VEPH1: variants seen among roughly 807,000 people sequenced by gnomAD.
VEPH1 encodes the protein ventricular zone-expressed PH domain-containing protein homolog 1.
Under a neutral mutation model 85.2 loss-of-function variants are expected in VEPH1, and 80 were observed. The observed-to-expected ratio is 0.94, with a 90% CI of 0.78 to 1.13. The LOEUF (loss-of-function observed/expected upper bound fraction) is 1.13, where lower values mean the gene tolerates loss of function less well. Ranked by LOEUF, VEPH1 falls within the 50% of genes most tolerant of loss-of-function variation. VEPH1 has a pLI of 0.00. For synonymous variants in VEPH1, 297 were observed against 348.0 expected (o/e 0.85, Z 1.63); for missense variants, 955 against 980.5 (o/e 0.97, Z 0.35).
At chr3:157,439,638 G>C (rs972262171) in intron 4 of VEPH1, among the ~76,000 whole-genome samples, 1 of 152,222 alleles carries the variant, frequency 6.6e-6, no homozygotes, top group East Asian at 1.9e-4. Context: ...GAGGGAAGCT[G>C]AGTCTCTGAG....
At chr3:157,390,841 G>C (rs1291733616) in intron 6 of VEPH1, among the ~76,000 whole-genome samples, 1 of 152,240 alleles carries the variant, frequency 6.6e-6, no homozygotes, top group Non-Finnish European at 1.5e-5. Flanking sequence ...CCAGACCTCA[G>C]GACTCCCTGA....
chr3:157,318,897 A>AAT (rs1400101620), intron 9 of VEPH1, among the ~76,000 whole-genome samples: 2 of 152,092 alleles, frequency 1.3e-5, no homozygotes, highest in Non-Finnish European at 2.9e-5. Flanking sequence ...AAACAAACAA[A>AAT]ATAATAAAAG....
chr3:157,415,537 G>A (rs922878367), intron 5 of VEPH1, among the ~76,000 whole-genome samples: 4 of 152,042 alleles, frequency 2.6e-5, no homozygotes, highest in African/African-American at 7.2e-5. Flanking sequence ...CTCCTAACAG[G>A]TCTCCCTGTC....
At chr3:157,442,865 CAATGA>C in intron 4 of VEPH1, 1 of 1,614,100 alleles carries the variant, frequency 6.2e-7, no homozygotes, top group Non-Finnish European at 8.5e-7. Context: ...GTGTTCTTAG[CAATGA>C]AGAGATAAGA....
chr3:157,311,739 G>T (rs1720136756), intron 11 of VEPH1, among the ~76,000 whole-genome samples: 1 of 152,030 alleles, frequency 6.6e-6, no homozygotes, highest in African/African-American at 2.4e-5. Flanking sequence ...GAAGCAGCCT[G>T]CCAGGTTTTA....
chr3:157,434,650 G>A (rs1733414324), intron 4 of VEPH1, among the ~76,000 whole-genome samples: 1 of 151,998 alleles, frequency 6.6e-6, no homozygotes, highest in Admixed American at 6.6e-5. Flanking sequence ...CTCTTAACTG[G>A]AAAATGTGTT....
At chr3:157,445,920 A>C (rs1734515056) in intron 4 of VEPH1, among the ~76,000 whole-genome samples, 1 of 152,248 alleles carries the variant, frequency 6.6e-6, no homozygotes, top group South Asian at 2.1e-4. Context: ...TGACTTAAAA[A>C]AACAACAACA....
intron 4 of VEPH1, among the ~76,000 whole-genome samples, chr3:157,429,648 T>C (rs1415205544): frequency 6.6e-6 from 1 of 152,192 alleles, no homozygotes; most frequent in Non-Finnish European, 1.5e-5. Flanking sequence ...TTTTAAAAGG[T>C]TGTGTTCGTC....
At chr3:157,351,822 T>G (rs1455591999) in intron 9 of VEPH1, among the ~76,000 whole-genome samples, 1 of 152,222 alleles carries the variant, frequency 6.6e-6, no homozygotes, top group Non-Finnish European at 1.5e-5. Flanking sequence ...TTTGGATTAA[T>G]TCTTTGTTTT....
intron 13 of VEPH1, among the ~76,000 whole-genome samples, chr3:157,264,650 C>CT (rs1304850220): frequency 6.6e-6 from 1 of 152,152 alleles, no homozygotes; most frequent in Non-Finnish European, 1.5e-5. Context: ...CAATCAGTTT[C>CT]TTTGACTCAG....
intron 9 of VEPH1, among the ~76,000 whole-genome samples, chr3:157,353,610 G>A (rs1041149863): frequency 1.4e-5 from 2 of 147,158 alleles, no homozygotes; most frequent in African/African-American, 5.2e-5. Context: ...TGCTTGATGT[G>A]TATCCTTCTA....
rs113324549 is a variant in VEPH1, at chr3:157,438,020, A to AGCGC, written c.530-9536_530-9533dup. On this transcript the variant is annotated intron_variant, in intron 4 of 13. Coordinates refer to ENST00000362010, the MANE Select transcript of VEPH1 (RefSeq NM_001167912.2). ...CCTTCTAGGGGAAGCTTTCATGGGA[A>AGCGC]GCGCGCGCGCGCGCGCGCACACACA... 9.9e-4 allele frequency: 825 copies of AGCGC among 836,680 alleles called. 1 individual carries two copies. Among genetic ancestry groups the AGCGC allele is most frequent in the East Asian group, 7.4e-3 (203 of 27,446 alleles). 51.8% of individuals were successfully genotyped at this position (836,680 alleles called of 1,614,324 possible). A position where few individuals can be genotyped will look rare whatever the true frequency, so the allele number is the denominator to read the frequency against.
At chr3:157,305,230 C>T (rs6794862) in intron 11 of VEPH1, among the ~76,000 whole-genome samples, 12,489 of 149,290 alleles carry the variant, frequency 0.084, 1,619 homozygotes, top group African/African-American at 0.28. Flanking sequence ...CTGCCTCAGC[C>T]TCCCAAGTAG....
intron 4 of VEPH1, among the ~76,000 whole-genome samples, chr3:157,447,229 A>G (rs7636995): frequency 0.14 from 20,667 of 152,126 alleles, 2,630 homozygotes; most frequent in African/African-American, 0.32. Context: ...AGCAGCATCT[A>G]CTGGTGAAGT....
Position 157,381,288 on chromosome 3 carries a change from T to G in VEPH1, c.995A>C (p.Lys332Thr), listed in dbSNP as rs1728735549. ...SFHHILLLEI[K>T]SITDTFSSIL... Reference sequence around the variant, plus strand: ...TGAGGAGAAGGTGTCGGTGATGCTTTTAATCTCCAGCAGGAGAATATGGTG... The same window carrying G: ...TGAGGAGAAGGTGTCGGTGATGCTTGTAATCTCCAGCAGGAGAATATGGTG... Residue 332 changes from lysine to threonine, a missense_variant, in exon 7 of 14, where the codon AAA becomes ACA. Transcript: ENST00000362010. 6.2e-7 allele frequency: 1 copy of G among 1,614,082 alleles called. No homozygotes were observed. The highest frequency in any genetic ancestry group is 1.7e-5 in the Admixed American group (1 of 59,996).
At position 157,364,372 on chromosome 3, in the gene VEPH1, G is replaced by A. The variant is rs1559995826; in HGVS notation, c.1268C>T (p.Pro423Leu). ...CAGACTATATCTTCTGATAGAGCCA[G>A]GGGTATTGCTCCCTGCATTTATCTT... ...EDKINAGSNT[P>L]GSIRRYSLGQ... is the part of the protein sequence containing the mutation. The change falls in exon 8 of 14, where the codon CCT (proline) becomes CTT (leucine). Residue 423 changes from proline to leucine, a missense_variant. Physicochemically the swap from Pro to Leu is moderately conservative, Grantham distance 98 (BLOSUM62 -3). Coordinates refer to ENST00000362010, the MANE Select transcript of VEPH1 (RefSeq NM_001167912.2). 3.7e-6 allele frequency: 6 copies of A among 1,613,952 alleles called. No individual in the cohort carries two copies. The highest frequency in any genetic ancestry group is 5.1e-6 in the Non-Finnish European group (6 of 1,179,928).
chr3:157,484,803 G>A (rs943998592), intron 2 of VEPH1, among the ~76,000 whole-genome samples: 4 of 152,068 alleles, frequency 2.6e-5, no homozygotes, highest in African/African-American at 4.8e-5. Context: ...TGATTATTTC[G>A]TGTGTCATGA....
Position 157,470,514 on chromosome 3 carries a change from T to C in VEPH1, c.154A>G (p.Asn52Asp), listed in dbSNP as rs1736838433. 6.2e-7 allele frequency: 1 copy of C among 1,614,064 alleles called. No homozygotes were observed. Among genetic ancestry groups the C allele is most frequent in the African/African-American group, 1.3e-5 (1 of 74,922 alleles). Residue 52 changes from asparagine (N) to aspartate (D), a missense_variant, in exon 3 of 14, where the codon AAC (asparagine) becomes GAC (aspartate). Coordinates refer to ENST00000362010, the MANE Select transcript of VEPH1 (RefSeq NM_001167912.2). ...ATTTCAACTACTGCCTGGTCATTGT[T>C]ATTGGTTTGGTAATCCTGTTTGGAA... ...ISSSSDYQTN[N>D]NDQAVVEICI...
chr3:157,444,486 C>T (rs1734390478), intron 4 of VEPH1, among the ~76,000 whole-genome samples: 1 of 152,166 alleles, frequency 6.6e-6, no homozygotes, highest in South Asian at 2.1e-4. Context: ...CTAAGAAAAT[C>T]ACTTGTAGTT....
Sources: gnomAD v4.1 joint callset for allele counts (sites outside exome capture counted in the v4.1 genomes callset) on GRCh38, gnomAD v4.1.1 for gene constraint, MANE v1.5 for transcripts, NCBI Gene and HGNC (gene_info 2026-07-23, HGNC 2026-07-21) for gene names.